Variants in PHF21A observed in about 807,000 individuals in gnomAD.
PHF21A encodes BHC80a.
In PHF21A, 11 loss-of-function variants were observed where a neutral mutation model predicts 82.5. The observed-to-expected ratio is 0.13, with a 90% CI of 0.08 to 0.22. The LOEUF is 0.22. PHF21A is among the 10% of genes least tolerant of loss of function. The pLI, the probability that PHF21A is intolerant of heterozygous loss-of-function variation, is 1.00. For synonymous variants in PHF21A, 297 were observed against 302.8 expected (o/e 0.98, Z 0.20); for missense variants, 579 against 837.8 (o/e 0.69, Z 3.81).
rs1182385783 is a variant in PHF21A at position 46,085,685 on chromosome 11, A to G, written c.-83-1383T>C. On this transcript the variant is annotated intron_variant, in intron 3 of 18. Coordinates refer to ENST00000676320, the MANE Select transcript of PHF21A (RefSeq NM_001352027.3). Reference sequence around the variant, plus strand: ...CACTACTCCTTAAACCAATACAATAAGATTCATGATCTTCATATTTCTAAA... The same window carrying G: ...CACTACTCCTTAAACCAATACAATAGGATTCATGATCTTCATATTTCTAAA... Among the ~76,000 whole-genome samples, 15 of 152,340 alleles carry G rather than the reference A, an allele frequency of 9.8e-5. No homozygotes were observed. The East Asian group carries it at 2.9e-3, about 29-fold the overall frequency.
intron 6 of PHF21A, among the ~76,000 whole-genome samples, chr11:46,055,926 C>T (rs1441660171): frequency 6.6e-6 from 1 of 152,140 alleles, no homozygotes; most frequent in Non-Finnish European, 1.5e-5. Flanking sequence ...GCAGGTGTCT[C>T]AAATGAGGAC....
chr11:46,105,663 A>G (rs1358139897), intron 1 of PHF21A, among the ~76,000 whole-genome samples: 1 of 152,250 alleles, frequency 6.6e-6, no homozygotes, highest in African/African-American at 2.4e-5. Flanking sequence ...CTTAAAAATC[A>G]TAACAAATGT....
At position 46,038,374 on chromosome 11, in the gene PHF21A, C is replaced by T. The variant is rs377225039; in HGVS notation, c.153+38380G>A. On this transcript the variant is annotated intron_variant, in intron 6 of 18. Transcript: ENST00000676320. ...AACTCCTGACCTCAAGTGATCCACC[C>T]GCCTCAGCCTCCCAAAGTGCTGGAA... Among the ~76,000 whole-genome samples, 258 of 152,154 alleles carry T rather than the reference C, an allele frequency of 1.7e-3. 1 individual carries two copies. The highest frequency in any genetic ancestry group is 0.014 in the South Asian group (67 of 4,822).
chr11:46,001,286 A>AG (rs1056636671), intron 6 of PHF21A, among the ~76,000 whole-genome samples: 4 of 151,272 alleles, frequency 2.6e-5, no homozygotes, highest in African/African-American at 4.9e-5. Flanking sequence ...TGTGACCACC[A>AG]GGGGGGCTGG....
At chr11:45,966,896 T>A (rs1217390950) in intron 9 of PHF21A, among the ~76,000 whole-genome samples, 1 of 151,840 alleles carries the variant, frequency 6.6e-6, no homozygotes, top group African/African-American at 2.4e-5. Flanking sequence ...GGATTACAGA[T>A]GTGAGCCACT....
chr11:45,958,795 A>G (rs1392919439), intron 10 of PHF21A, among the ~76,000 whole-genome samples: 1 of 151,864 alleles, frequency 6.6e-6, no homozygotes, highest in Non-Finnish European at 1.5e-5. Flanking sequence ...GTGCATGCCT[A>G]TAGTCCTAGT....
At chr11:46,094,838 T>C (rs1253186190) in intron 1 of PHF21A, among the ~76,000 whole-genome samples, 1 of 152,174 alleles carries the variant, frequency 6.6e-6, no homozygotes, top group African/African-American at 2.4e-5. Context: ...AGGCAGAGAC[T>C]GCAGTGAACT....
chr11:46,033,655 C>T (rs1565645268), intron 6 of PHF21A, among the ~76,000 whole-genome samples: 1 of 152,156 alleles, frequency 6.6e-6, no homozygotes, highest in East Asian at 1.9e-4. Context: ...CTGCATTGTC[C>T]AATATGCTAT....
chr11:45,962,001 C>T (rs1049643359), intron 10 of PHF21A, among the ~76,000 whole-genome samples: 1 of 152,176 alleles, frequency 6.6e-6, no homozygotes, highest in African/African-American at 2.4e-5. Flanking sequence ...AGGGGAAGGA[C>T]ACGTGAGACC....
chr11:46,088,784 T>C (rs1322079024), intron 3 of PHF21A, among the ~76,000 whole-genome samples: 1 of 152,224 alleles, frequency 6.6e-6, no homozygotes, highest in Non-Finnish European at 1.5e-5. Context: ...CTACATAGTA[T>C]ATATCTAGAA....
chr11:46,087,894 T>G (rs1409475678), intron 3 of PHF21A, among the ~76,000 whole-genome samples: 1 of 152,160 alleles, frequency 6.6e-6, no homozygotes, highest in Non-Finnish European at 1.5e-5. Context: ...TAGCTGTGAC[T>G]ACAGGTGTGC....
chr11:46,002,691 C>A (rs563582277), intron 6 of PHF21A, among the ~76,000 whole-genome samples: 12 of 152,188 alleles, frequency 7.9e-5, no homozygotes, highest in Admixed American at 2.0e-4. Context: ...ACTCTGTCCC[C>A]GTAAAATGTC....
At chr11:46,061,753 T>G (rs1198593567) in intron 6 of PHF21A, among the ~76,000 whole-genome samples, 1 of 152,208 alleles carries the variant, frequency 6.6e-6, no homozygotes, top group Non-Finnish European at 1.5e-5. Flanking sequence ...TTTCCCTTCA[T>G]CAAATGGGAT....
chr11:46,100,331 G>A (rs367726502), intron 1 of PHF21A, among the ~76,000 whole-genome samples: 1 of 151,872 alleles, frequency 6.6e-6, no homozygotes, highest in East Asian at 1.9e-4. Flanking sequence ...AGAGCAGCAT[G>A]GGGTCCCATT....
At chr11:46,052,812 C>A (rs1207958380) in intron 6 of PHF21A, among the ~76,000 whole-genome samples, 2 of 152,188 alleles carry the variant, frequency 1.3e-5, no homozygotes, top group Non-Finnish European at 2.9e-5. Context: ...TTTCCACCTT[C>A]TTGGACATCT....
intron 6 of PHF21A, among the ~76,000 whole-genome samples, chr11:46,070,767 A>T (rs1027326401): frequency 6.6e-6 from 1 of 152,266 alleles, no homozygotes; most frequent in African/African-American, 2.4e-5. Context: ...ATTTAAAACC[A>T]AAAGATAATT....
Position 45,950,221 on chromosome 11 carries a change from G to A in PHF21A, c.1132C>T (p.His378Tyr). 6.2e-7 allele frequency: 1 copy of A among 1,609,542 alleles called. No homozygotes were observed. The highest frequency in any genetic ancestry group is 8.5e-7 in the Non-Finnish European group (1 of 1,177,194). Residue 378 changes from histidine to tyrosine, a missense_variant, in exon 12 of 19, where the codon CAT (histidine) becomes TAT (tyrosine). Around this residue, in one of 3 missense-constraint regions of PHF21A, gnomAD observed 410 missense variants for 642.1 expected, o/e 0.64. Transcript: ENST00000676320. ...CTTCTCTTACCTTCTAGATGGTCAT[G>A]TGTTACCAACCCTAGAGACACCATG... is the stretch of plus-strand genomic sequence containing the variant. ...AFMVSLGLVT[H>Y]DHLEEIQSKR...
At chr11:46,046,213 G>A (rs1428808586) in intron 6 of PHF21A, among the ~76,000 whole-genome samples, 2 of 152,264 alleles carry the variant, frequency 1.3e-5, no homozygotes, top group East Asian at 3.9e-4. Flanking sequence ...GTGAATAGCA[G>A]CAGCAGAAAT....
intron 6 of PHF21A, among the ~76,000 whole-genome samples, chr11:46,040,311 C>A (rs1198064508): frequency 6.6e-6 from 1 of 152,122 alleles, no homozygotes; most frequent in Non-Finnish European, 1.5e-5. Context: ...GAAGGAAATA[C>A]CTGCACTACA....
Sources: gnomAD v4.1 joint callset for allele counts (sites outside exome capture counted in the v4.1 genomes callset) on GRCh38, gnomAD v4.1.1 for gene constraint, gnomAD v4.1.1 regional missense constraint, MANE v1.5 for transcripts, NCBI Gene and HGNC (gene_info 2026-07-23, HGNC 2026-07-21) for gene names.